Variants in PPP1R9A observed in about 807,000 individuals in gnomAD.
The protein encoded by PPP1R9A is protein phosphatase 1 regulatory subunit 9A.
In PPP1R9A, 59 loss-of-function variants were observed where a neutral mutation model predicts 141.9. That is an observed-to-expected ratio of 0.42 (90% CI 0.34 to 0.52). The LOEUF is 0.52. Among genes scored for constraint, PPP1R9A ranks in the 20% least tolerant of loss-of-function variants. The pLI is 0.10. For synonymous variants in PPP1R9A, 500 were observed against 569.7 expected (o/e 0.88, Z 1.74); for missense variants, 1,444 against 1,611.9 (o/e 0.90, Z 1.78).
At chr7:95,039,833 A>G (rs76991380) in intron 2 of PPP1R9A, among the ~76,000 whole-genome samples, 5,060 of 152,262 alleles carry the variant, frequency 0.033, 136 homozygotes, top group Non-Finnish European at 0.046. Context: ...GAGATAAAGG[A>G]GAAAAATATT....
At chr7:95,141,114 TATGC>T (rs1171398186) in intron 4 of PPP1R9A, among the ~76,000 whole-genome samples, 1 of 152,176 alleles carries the variant, frequency 6.6e-6, no homozygotes, top group Non-Finnish European at 1.5e-5. Context: ...ATTTCAGTCT[TATGC>T]ATGGTGAAAT....
chr7:95,120,829 G>A lies in PPP1R9A; in HGVS notation c.1646G>A (p.Gly549Asp), dbSNP rs1486511936. 2 of 1,612,678 alleles carry A rather than the reference G, an allele frequency of 1.2e-6. No homozygotes were observed. Among genetic ancestry groups the A allele is most frequent in the Admixed American group, 1.7e-5 (1 of 59,806 alleles). Residue 549 changes from glycine to aspartate, a missense_variant, in exon 4 of 20, where the codon GGC (glycine) becomes GAC (aspartate). Gly to Asp is a moderately conservative substitution (Grantham distance 94). This residue lies in a region of PPP1R9A where 488 missense variants were observed against 542.0 expected (regional missense o/e 0.90). Coordinates refer to ENST00000433360, the MANE Select transcript of PPP1R9A (RefSeq NM_001166160.2). ...VTEGGAAQRD[G>D]RIQVNDQIVE... ...GAAGGTGGTGCTGCTCAACGGGATG[G>A]CAGGTAAATTAAGGACTGTTGTTAA...
chr7:95,122,146 A>ATTTTTTT lies in PPP1R9A; in HGVS notation c.1649+1326_1649+1332dup, dbSNP rs1273220292. ...AATCTGTGAGGAGACCCAGAGCACCATTTTTTTTTTTTTTTTTTGAGATGG... is the reference window on the plus strand; with the variant it reads ...AATCTGTGAGGAGACCCAGAGCACCATTTTTTTTTTTTTTTTTTTTTTTTTGAGATGG... On this transcript the variant is annotated intron_variant, in intron 4 of 19. Transcript: ENST00000433360. 7.4e-3 allele frequency among the ~76,000 whole-genome samples: 990 copies of ATTTTTTT among 133,830 alleles called. 17 individuals carry two copies. Among genetic ancestry groups the ATTTTTTT allele is most frequent in the African/African-American group, 0.025 (907 of 35,998 alleles). 87.8% of individuals were successfully genotyped at this position (133,830 alleles called of 152,430 possible).
At chr7:95,061,264 T>G (rs1250518205) in intron 2 of PPP1R9A, among the ~76,000 whole-genome samples, 1 of 152,198 alleles carries the variant, frequency 6.6e-6, no homozygotes, top group African/African-American at 2.4e-5. Flanking sequence ...TGGAAATCTA[T>G]AGGAAGTTTA....
At chr7:95,209,264 C>G (rs1158882477) in intron 7 of PPP1R9A, among the ~76,000 whole-genome samples, 1 of 152,108 alleles carries the variant, frequency 6.6e-6, no homozygotes, top group Admixed American at 6.5e-5. Context: ...GACATAGTTC[C>G]TGCTCTCTGA....
At chr7:95,064,296 TGG>T (rs1318048574) in intron 2 of PPP1R9A, among the ~76,000 whole-genome samples, 16 of 152,224 alleles carry the variant, frequency 1.1e-4, no homozygotes, top group African/African-American at 3.6e-4. Context: ...TTTGAACTCA[TGG>T]CTAGTATACT....
chr7:94,978,837 C>T (rs1044177943), intron 2 of PPP1R9A, among the ~76,000 whole-genome samples: 15 of 152,284 alleles, frequency 9.9e-5, no homozygotes, highest in Admixed American at 7.2e-4. Context: ...CGCTCTGTTG[C>T]GCAGGCTGGA....
intron 2 of PPP1R9A, among the ~76,000 whole-genome samples, chr7:95,052,674 G>A (rs887207198): frequency 3.3e-5 from 5 of 152,104 alleles, no homozygotes; most frequent in Non-Finnish European, 7.4e-5. Flanking sequence ...TCTTCCTGCT[G>A]GATATCTCTA....
intron 2 of PPP1R9A, among the ~76,000 whole-genome samples, chr7:94,929,059 A>T (rs191056155): frequency 6.6e-6 from 1 of 152,354 alleles, no homozygotes; most frequent in East Asian, 1.9e-4. Flanking sequence ...GGTGTCTTAC[A>T]TTAATATAGA....
At chr7:95,184,031 A>T (rs764610332) in intron 5 of PPP1R9A, among the ~76,000 whole-genome samples, 7 of 152,178 alleles carry the variant, frequency 4.6e-5, no homozygotes, top group Non-Finnish European at 1.0e-4. Flanking sequence ...CAATATAGAA[A>T]GGAAAAATAT....
At chr7:95,172,203 C>G (rs1832223230) in intron 5 of PPP1R9A, among the ~76,000 whole-genome samples, 1 of 151,600 alleles carries the variant, frequency 6.6e-6, no homozygotes, top group African/African-American at 2.4e-5. Flanking sequence ...ATGCAAATAT[C>G]TCTACCCTCA....
At chr7:95,165,182 T>A (rs1831057254) in intron 5 of PPP1R9A, among the ~76,000 whole-genome samples, 1 of 152,230 alleles carries the variant, frequency 6.6e-6, no homozygotes, top group South Asian at 2.1e-4. Context: ...CTCCACCTGG[T>A]TATTGACTTT....
At chr7:95,215,331 A>C (rs879618184) in intron 7 of PPP1R9A, among the ~76,000 whole-genome samples, 7 of 152,012 alleles carry the variant, frequency 4.6e-5, no homozygotes, top group Admixed American at 2.0e-4. Context: ...ATAGTATTCC[A>C]TGGTGTATAT....
intron 2 of PPP1R9A, among the ~76,000 whole-genome samples, chr7:95,093,816 A>C (rs567513816): frequency 6.6e-6 from 1 of 152,254 alleles, no homozygotes; most frequent in African/African-American, 2.4e-5. Flanking sequence ...CTTTGTTTTG[A>C]AGTTATAAAT....
At chr7:95,241,189 C>T (rs1481092776) in intron 8 of PPP1R9A, among the ~76,000 whole-genome samples, 4 of 152,080 alleles carry the variant, frequency 2.6e-5, no homozygotes, top group Non-Finnish European at 5.9e-5. Context: ...CTGAAGCCAC[C>T]CATGTCTATA....
intron 2 of PPP1R9A, among the ~76,000 whole-genome samples, chr7:95,016,003 T>C (rs1325276938): frequency 3.3e-5 from 5 of 152,100 alleles, no homozygotes; most frequent in Non-Finnish European, 5.9e-5. Context: ...CAGTGAACCA[T>C]GATTGCGCTA....
At chr7:95,177,917 C>A (rs1032390995) in intron 5 of PPP1R9A, among the ~76,000 whole-genome samples, 1 of 152,036 alleles carries the variant, frequency 6.6e-6, no homozygotes, top group Non-Finnish European at 1.5e-5. Flanking sequence ...ATGAGATAGA[C>A]AACAACACAG....
At position 95,264,037 on chromosome 7, in the gene PPP1R9A, G is replaced by A. The variant is rs546161360; in HGVS notation, c.2666-4513G>A. On this transcript the variant is annotated intron_variant, in intron 12 of 19. Coordinates refer to ENST00000433360, the MANE Select transcript of PPP1R9A (RefSeq NM_001166160.2). ...AATTGCCCAATTTAATGGGACAGCCGCTTGTTCTGAATTCTATTCAAGGAA... is the reference window on the plus strand; with the variant it reads ...AATTGCCCAATTTAATGGGACAGCCACTTGTTCTGAATTCTATTCAAGGAA... Among the ~76,000 whole-genome samples the A allele has an allele frequency of 3.7e-4, 57 of 152,218 alleles. 1 individual carries two copies. In the East Asian group the frequency reaches 6.0e-3, roughly 16 times the overall value.
intron 2 of PPP1R9A, among the ~76,000 whole-genome samples, chr7:95,054,623 T>G (rs1235882565): frequency 6.6e-6 from 1 of 152,062 alleles, no homozygotes; most frequent in Non-Finnish European, 1.5e-5. Context: ...GCCCTATGCG[T>G]CCTGGCTCCC....
Sources: gnomAD v4.1 joint callset for allele counts (sites outside exome capture counted in the v4.1 genomes callset) on GRCh38, gnomAD v4.1.1 for gene constraint, gnomAD v4.1.1 regional missense constraint, MANE v1.5 for transcripts, NCBI Gene and HGNC (gene_info 2026-07-23, HGNC 2026-07-21) for gene names.